The following FAM76A variants were observed in gnomAD, a reference collection of about 807,000 sequenced individuals.
The protein encoded by FAM76A is protein FAM76A.
In FAM76A, 32 loss-of-function variants were observed where a neutral mutation model predicts 46.2. The observed-to-expected ratio is 0.69, with a 90% CI of 0.52 to 0.93. FAM76A has a LOEUF of 0.93. Among genes scored for constraint, FAM76A ranks in the 40% least tolerant of loss-of-function variants. The pLI is 0.00. For synonymous variants in FAM76A, 137 were observed against 127.0 expected (o/e 1.08, Z -0.53); for missense variants, 274 against 361.5 (o/e 0.76, Z 1.96).
intron 4 of FAM76A, chr1:27,739,338 ACCACAGTGC>A: frequency 1.9e-6 from 1 of 528,148 alleles, no homozygotes; most frequent in South Asian, 1.4e-5. Flanking sequence ...CTTGGAAGTA[ACCACAGTGC>A]CTACACTACT....
chr1:27,755,641 C>A (rs1247104650), intron 7 of FAM76A, among the ~76,000 whole-genome samples: 1 of 152,212 alleles, frequency 6.6e-6, no homozygotes, highest in Non-Finnish European at 1.5e-5. Flanking sequence ...GTGGCACAAT[C>A]ATGGCTACTG....
intron 8 of FAM76A, chr1:27,759,864 C>T (rs2088477027): frequency 1.8e-6 from 1 of 561,516 alleles, no homozygotes; most frequent in Non-Finnish European, 3.3e-6. Flanking sequence ...ACCTCCCAGG[C>T]TCAGGTGATC....
At position 27,739,955 on chromosome 1, in the gene FAM76A, T is replaced by C. The variant is rs1022470521; in HGVS notation, c.355-4699T>C. The C allele has an allele frequency of 1.1e-5, 3 of 264,840 alleles. No homozygotes were observed. The Admixed American group carries it at 1.4e-4, about 12-fold the overall frequency. 16.4% of individuals were successfully genotyped at this position (264,840 alleles called of 1,614,324 possible). A position where few individuals can be genotyped will look rare whatever the true frequency, so the allele number is the denominator to read the frequency against. On this transcript the variant is annotated intron_variant, in intron 4 of 8. Transcript: ENST00000373954. ...AACTTACCCTTGGGAGCCAGTGCTA[T>C]GGCTTTAGGCTGCAAGATTGGCTCG...
At chr1:27,742,902 T>C (rs2088178841) in intron 4 of FAM76A, among the ~76,000 whole-genome samples, 1 of 151,542 alleles carries the variant, frequency 6.6e-6, no homozygotes, top group African/African-American at 2.4e-5. Flanking sequence ...CTACTAAAAA[T>C]ACAAAAAAAA....
intron 4 of FAM76A, among the ~76,000 whole-genome samples, chr1:27,737,883 A>C (rs1208356418): frequency 0.036 from 5,356 of 148,768 alleles, 401 homozygotes; most frequent in African/African-American, 0.13. Flanking sequence ...AAAAAAAAAA[A>C]AAAAAAAAAC....
chr1:27,742,420 AG>A (rs889589468), intron 4 of FAM76A, among the ~76,000 whole-genome samples: 59 of 152,242 alleles, frequency 3.9e-4, no homozygotes, highest in African/African-American at 1.4e-3. Context: ...TTTTGCTCAA[AG>A]GAGTCAACTT....
At chr1:27,731,456 T>C (rs915369558) in intron 2 of FAM76A, among the ~76,000 whole-genome samples, 1 of 152,048 alleles carries the variant, frequency 6.6e-6, no homozygotes, top group Non-Finnish European at 1.5e-5. Context: ...TCTGCCTGCC[T>C]TGGCCTCCCA....
At chr1:27,726,701 A>C (rs2087866804) in intron 1 of FAM76A, among the ~76,000 whole-genome samples, 1 of 151,442 alleles carries the variant, frequency 6.6e-6, no homozygotes, top group South Asian at 2.1e-4. Flanking sequence ...TTTATGTTTT[A>C]AAAAAGCCCC....
chr1:27,732,246 A>G (rs777368726), intron 2 of FAM76A, among the ~76,000 whole-genome samples: 5 of 152,178 alleles, frequency 3.3e-5, no homozygotes, highest in East Asian at 1.9e-4. Context: ...CCTGGCCAAC[A>G]TGGCGAAACC....
chr1:27,749,282 C>A, intron 6 of FAM76A, 128 bp downstream of exon 6: 2 of 501,084 alleles, frequency 4.0e-6, no homozygotes, highest in South Asian at 4.6e-5. Context: ...GTAAGCAGTA[C>A]TGATATTTGT....
chr1:27,744,565 C>A, intron 4 of FAM76A, 89 bp from the exon 5 acceptor site: 1 of 1,420,472 alleles, frequency 7.0e-7, no homozygotes, highest in Non-Finnish European at 9.8e-7. Flanking sequence ...AGAACTGGGA[C>A]TGAACCCAAA....
chr1:27,760,434 T>TAA, intron 8 of FAM76A, 61 bp from the exon 9 acceptor site: 1 of 1,415,656 alleles, frequency 7.1e-7, no homozygotes, highest in South Asian at 1.2e-5. Context: ...TTACTCTGCA[T>TAA]GAAAAATAGC....
intron 4 of FAM76A, chr1:27,740,136 C>G (rs551207135): frequency 4.2e-6 from 2 of 481,650 alleles, no homozygotes; most frequent in Non-Finnish European, 8.0e-6. Flanking sequence ...AGTCCAGGAC[C>G]TTTTCTTTGA....
At chr1:27,729,935 C>G (rs995787286) in intron 2 of FAM76A, among the ~76,000 whole-genome samples, 2 of 152,172 alleles carry the variant, frequency 1.3e-5, no homozygotes, top group African/African-American at 2.4e-5. Context: ...ACCCTTGCTT[C>G]CTCCAGGCAA....
intron 8 of FAM76A, chr1:27,760,004 T>G: frequency 2.2e-6 from 1 of 458,114 alleles, no homozygotes; most frequent in Non-Finnish European, 4.4e-6. Context: ...AACTCCTGGC[T>G]TCAAGCAATC....
Position 27,760,587 on chromosome 1 carries a change from C to T in FAM76A, c.*6C>T. On this transcript the variant is annotated 3_prime_UTR_variant, in exon 9 of 9. Transcript: ENST00000373954. ...GAGCTATAACCTCTCCATGACAGACCTCAAGGAGGCTCCCTAGCAACAGCA... is the reference window on the plus strand; with the variant it reads ...GAGCTATAACCTCTCCATGACAGACTTCAAGGAGGCTCCCTAGCAACAGCA... 1.9e-6 allele frequency: 3 copies of T among 1,601,340 alleles called. No individual in the cohort carries two copies. Among genetic ancestry groups the T allele is most frequent in the East Asian group, 2.2e-5 (1 of 44,510 alleles).
chr1:27,733,531 A>G (rs1300290419), intron 3 of FAM76A, among the ~76,000 whole-genome samples: 2 of 152,146 alleles, frequency 1.3e-5, no homozygotes, highest in Non-Finnish European at 2.9e-5. Flanking sequence ...CTGTGCAGAA[A>G]AACACTTCAC....
In FAM76A at chr1:27,758,689, T is replaced by TG. The variant is rs1386004188; in HGVS notation, c.736-837_736-836insG. ...GCTATTTTAATTTTCGTTTTTTTTT[T>TG]TTTTTTTTTTGTAGACATGGGGTTT... On this transcript the variant is annotated intron_variant, in intron 7 of 8. Transcript: ENST00000373954. Among the ~76,000 whole-genome samples, 696 of 149,202 alleles carry TG rather than the reference T, an allele frequency of 4.7e-3. 4 individuals are homozygous for TG. The highest frequency in any genetic ancestry group is 0.016 in the African/African-American group (651 of 40,146).
rs2088531296 is a variant in FAM76A at position 27,763,013 on chromosome 1, G to A, written c.*2432G>A. The A allele has an allele frequency of 1.3e-5, 2 of 152,054 alleles. No homozygotes were observed. The highest frequency in any genetic ancestry group is 4.1e-4 in the South Asian group (2 of 4,832). 9.4% of individuals were successfully genotyped at this position (152,054 alleles called of 1,614,324 possible). A position where few individuals can be genotyped will look rare whatever the true frequency, so the allele number is the denominator to read the frequency against. ...TAGCTAACTTTTGGTAACACCTTTT[G>A]TTTCTTTGTATGTTTGTAATAATGG... On this transcript the variant is annotated 3_prime_UTR_variant, in exon 9 of 9. Transcript: ENST00000373954.
Sources: gnomAD v4.1 joint callset for allele counts (sites outside exome capture counted in the v4.1 genomes callset) on GRCh38, gnomAD v4.1.1 for gene constraint, MANE v1.5 for transcripts, NCBI Gene and HGNC (gene_info 2026-07-23, HGNC 2026-07-21) for gene names.